Variants in EEPD1 observed in about 807,000 individuals in gnomAD.
The protein encoded by EEPD1 is endonuclease/exonuclease/phosphatase family domain-containing protein 1.
In EEPD1, 17 loss-of-function variants were observed where a neutral mutation model predicts 46.3. The ratio of observed to expected loss-of-function variants is 0.37; its 90% CI spans 0.25 to 0.55. The LOEUF is 0.55. EEPD1 is among the 20% of genes least tolerant of loss of function. The pLI is 0.83. For synonymous variants in EEPD1, 313 were observed against 315.6 expected (o/e 0.99, Z 0.09); for missense variants, 673 against 745.6 (o/e 0.90, Z 1.13).
intron 2 of EEPD1, among the ~76,000 whole-genome samples, chr7:36,157,230 A>G (rs1784838454): frequency 6.6e-6 from 1 of 152,196 alleles, no homozygotes; most frequent in African/African-American, 2.4e-5. Context: ...TGCAGATACC[A>G]AGGTACAACT....
At chr7:36,263,176 A>G (rs1041766483) in intron 3 of EEPD1, among the ~76,000 whole-genome samples, 5 of 152,162 alleles carry the variant, frequency 3.3e-5, no homozygotes, top group Admixed American at 6.5e-5. Flanking sequence ...TACAAAATAT[A>G]CAAAAATTGG....
intron 3 of EEPD1, among the ~76,000 whole-genome samples, chr7:36,243,999 T>A (rs1180943952): frequency 8.5e-6 from 1 of 118,014 alleles, no homozygotes; most frequent in East Asian, 3.1e-4. Flanking sequence ...TATACATATG[T>A]AACTAACCTG....
chr7:36,267,430 C>G (rs1787040263), intron 3 of EEPD1, among the ~76,000 whole-genome samples: 1 of 152,312 alleles, frequency 6.6e-6, no homozygotes, highest in South Asian at 2.1e-4. Flanking sequence ...TCTCCATGCT[C>G]TGTCCCACCA....
chr7:36,158,915 A>G lies in EEPD1; in HGVS notation c.878+3713A>G, dbSNP rs564315651. On this transcript the variant is annotated intron_variant, in intron 2 of 7. Coordinates refer to ENST00000242108, the MANE Select transcript of EEPD1 (RefSeq NM_030636.3). ...TCTCCAAAAGAAATAAGAAGATTTA[A>G]CATCCCACTTGCTCATTTTCCCTGT... Among the ~76,000 whole-genome samples, 3 of 152,370 alleles carry G rather than the reference A, an allele frequency of 2.0e-5. No homozygotes were observed. In the South Asian group the frequency reaches 6.2e-4, roughly 32 times the overall value.
intron 2 of EEPD1, among the ~76,000 whole-genome samples, chr7:36,224,461 C>G (rs1167827400): frequency 3.9e-5 from 6 of 152,154 alleles, no homozygotes; most frequent in South Asian, 2.1e-4. Flanking sequence ...TGGAAAAGTC[C>G]TGCAGAACAA....
At chr7:36,161,324 G>C (rs1784898483) in intron 2 of EEPD1, among the ~76,000 whole-genome samples, 1 of 152,194 alleles carries the variant, frequency 6.6e-6, no homozygotes, top group Non-Finnish European at 1.5e-5. Flanking sequence ...TGATGTGTGG[G>C]ATGAGGGAGG....
intron 3 of EEPD1, among the ~76,000 whole-genome samples, chr7:36,270,995 A>ATTT (rs36087639): frequency 6.6e-6 from 1 of 150,378 alleles, no homozygotes; most frequent in Admixed American, 6.6e-5. Flanking sequence ...TATTATTATT[A>ATTT]TTTTTTTTTG....
intron 2 of EEPD1, among the ~76,000 whole-genome samples, chr7:36,201,515 G>C (rs753449307): frequency 6.6e-6 from 1 of 152,154 alleles, no homozygotes. Context: ...CTCGGGGCAG[G>C]TCCCATTACC....
At chr7:36,175,310 G>A (rs564380571) in intron 2 of EEPD1, among the ~76,000 whole-genome samples, 5 of 152,250 alleles carry the variant, frequency 3.3e-5, no homozygotes, top group South Asian at 4.1e-4. Context: ...AGCTCACTGC[G>A]GCCTCGAACT....
intron 3 of EEPD1, among the ~76,000 whole-genome samples, chr7:36,263,320 C>T (rs1160785592): frequency 6.6e-6 from 1 of 152,058 alleles, no homozygotes; most frequent in Non-Finnish European, 1.5e-5. Context: ...TGGCAGAGAA[C>T]ACCCTGTCTC....
chr7:36,289,318 A>T (rs1010512287), intron 6 of EEPD1, among the ~76,000 whole-genome samples: 1 of 152,138 alleles, frequency 6.6e-6, no homozygotes, highest in Non-Finnish European at 1.5e-5. Context: ...GTACCCATTC[A>T]ACGATATCTC....
intron 3 of EEPD1, among the ~76,000 whole-genome samples, chr7:36,249,703 G>A (rs991886282): frequency 6.6e-5 from 10 of 152,194 alleles, no homozygotes; most frequent in African/African-American, 2.2e-4. Flanking sequence ...GAACCAGTGT[G>A]TATTGAGTAC....
At chr7:36,256,943 TG>T (rs1786836568) in intron 3 of EEPD1, among the ~76,000 whole-genome samples, 1 of 152,370 alleles carries the variant, frequency 6.6e-6, no homozygotes, top group Admixed American at 6.5e-5. Context: ...GGTATATTTT[TG>T]CAGTGGCTGG....
chr7:36,177,276 A>G (rs1185398714), intron 2 of EEPD1, among the ~76,000 whole-genome samples: 1 of 151,646 alleles, frequency 6.6e-6, no homozygotes, highest in Non-Finnish European at 1.5e-5. Context: ...TGCAATTTCA[A>G]CTTTTGTTTT....
chr7:36,248,012 A>T (rs1469560028), intron 3 of EEPD1, among the ~76,000 whole-genome samples: 1 of 152,160 alleles, frequency 6.6e-6, no homozygotes, highest in East Asian at 1.9e-4. Context: ...GGACAATGTC[A>T]AAGGAGCACC....
chr7:36,187,734 C>G (rs1397400485), intron 2 of EEPD1, among the ~76,000 whole-genome samples: 1 of 152,102 alleles, frequency 6.6e-6, no homozygotes, highest in African/African-American at 2.4e-5. Context: ...GTCTGAGTCC[C>G]CTGCAAGTCC....
intron 3 of EEPD1, among the ~76,000 whole-genome samples, chr7:36,255,819 A>G (rs747558485): frequency 2.0e-5 from 3 of 146,532 alleles, no homozygotes; most frequent in Non-Finnish European, 3.0e-5. Context: ...TTGTGTCTCT[A>G]TCTCCTTCAA....
chr7:36,290,463 A>C (rs1405215096), intron 6 of EEPD1, among the ~76,000 whole-genome samples: 1 of 152,152 alleles, frequency 6.6e-6, no homozygotes, highest in African/African-American at 2.4e-5. Flanking sequence ...CAGGTCTAAC[A>C]AGGGTAGACA....
At chr7:36,187,830 TC>T (rs1785387171) in intron 2 of EEPD1, among the ~76,000 whole-genome samples, 2 of 152,178 alleles carry the variant, frequency 1.3e-5, no homozygotes, top group Admixed American at 6.5e-5. Context: ...AGATTCTCGC[TC>T]TGTCACCCAG....
Sources: gnomAD v4.1 joint callset for allele counts (sites outside exome capture counted in the v4.1 genomes callset) on GRCh38, gnomAD v4.1.1 for gene constraint, MANE v1.5 for transcripts, NCBI Gene and HGNC (gene_info 2026-07-23, HGNC 2026-07-21) for gene names.